The following GOLGA3 variants were observed in gnomAD, a reference collection of about 807,000 sequenced individuals.
The protein encoded by GOLGA3 is golgin A3.
GOLGA3 carries 75 observed loss-of-function variants against 169.4 expected under a neutral mutation model. That is an observed-to-expected ratio of 0.44 (90% CI 0.37 to 0.54). The LOEUF (loss-of-function observed/expected upper bound fraction) is 0.54, where lower values mean the gene tolerates loss of function less well. Ranked by LOEUF, GOLGA3 falls within the 20% of genes least tolerant of loss-of-function variation. The pLI is 0.00. For missense variants in GOLGA3, 1,899 were observed against 1,930.0 expected (o/e 0.98, Z 0.30); for synonymous variants, 824 against 822.4 (o/e 1.00, Z -0.03).
chr12:132,788,666 C>A (rs887492093), intron 13 of GOLGA3, among the ~76,000 whole-genome samples: 1 of 152,226 alleles, frequency 6.6e-6, no homozygotes, highest in Admixed American at 6.5e-5. Flanking sequence ...AAAACACTCA[C>A]CCTTGCTTTC....
At chr12:132,790,062 T>C (rs1175452053) in intron 12 of GOLGA3, among the ~76,000 whole-genome samples, 1 of 151,890 alleles carries the variant, frequency 6.6e-6, no homozygotes, top group Non-Finnish European at 1.5e-5. Flanking sequence ...CCGGGCGTGG[T>C]GGCTCATGCC....
Position 132,777,830 on chromosome 12 carries a change from C to A in GOLGA3, c.3583-25G>T, listed in dbSNP as rs201822285. 6.8e-6 allele frequency: 11 copies of A among 1,611,744 alleles called. No individual in the cohort carries two copies. Among genetic ancestry groups the A allele is most frequent in the South Asian group, 5.5e-5 (5 of 90,870 alleles). ...CCTAGGAGGAAGGAAGCCACGTTGT[C>A]CATGCCCTGCGTGACACCCACAGCT... On this transcript the variant is annotated intron_variant, in intron 18 of 23. Coordinates refer to ENST00000450791, the MANE Select transcript of GOLGA3 (RefSeq NM_001389683.1). This position sits in a 1 kb window ranked among gnomAD's most constrained non-coding sequence, Gnocchi z 4.7.
intron 23 of GOLGA3, among the ~76,000 whole-genome samples, chr12:132,773,797 C>T (rs2045048854): frequency 7.1e-6 from 1 of 140,034 alleles, no homozygotes; most frequent in Non-Finnish European, 1.5e-5. Flanking sequence ...TGTGTGAGTC[C>T]CCCTCCCCCT....
chr12:132,792,408 C>T (rs1948573107), intron 11 of GOLGA3, among the ~76,000 whole-genome samples: 1 of 152,242 alleles, frequency 6.6e-6, no homozygotes, highest in Non-Finnish European at 1.5e-5. Context: ...AGGGCTGTTA[C>T]AGTGACAGTT....
At chr12:132,780,748 GC>G in intron 18 of GOLGA3, 49 bp downstream of exon 18, 1 of 1,117,066 alleles carries the variant, frequency 9.0e-7, no homozygotes. Flanking sequence ...AGATTTCTAG[GC>G]ACTGGAGCGT....
rs1390928337 is a variant in GOLGA3 at position 132,775,291 on chromosome 12, C to G, written c.3993G>C (p.Glu1331Asp). Reference sequence around the variant, plus strand: ...ACAGGTCTTCCTGGGCCATCTCCAACTCAGACTTGACGTTCTGTGGAAAAT... The same window carrying G: ...ACAGGTCTTCCTGGGCCATCTCCAAGTCAGACTTGACGTTCTGTGGAAAAT... Reference protein sequence around the residue: ...LQQLLQNVKSELEMAQEDLSM... With the variant: ...LQQLLQNVKSDLEMAQEDLSM... Residue 1331 changes from glutamate (E) to aspartate (D), a missense_variant, in exon 22 of 24, where the codon GAG (glutamate) becomes GAC (aspartate). Physicochemically the swap from Glu to Asp is conservative, Grantham distance 45. Transcript: ENST00000450791. 1 of 1,608,382 alleles carries G rather than the reference C, an allele frequency of 6.2e-7. No homozygotes were observed.
At position 132,785,111 on chromosome 12, in the gene GOLGA3, C is replaced by A. The variant is rs560470220; in HGVS notation, c.3124-804G>T. Among the ~76,000 whole-genome samples, 8 of 152,318 alleles carry A rather than the reference C, an allele frequency of 5.3e-5. No individual in the cohort carries two copies. In the East Asian group the frequency reaches 1.5e-3, roughly 29 times the overall value. On this transcript the variant is annotated intron_variant, in intron 15 of 23. Coordinates refer to ENST00000450791, the MANE Select transcript of GOLGA3 (RefSeq NM_001389683.1). Reference sequence around the variant, plus strand: ...GAAATTTGCCAAAAGTCACCACTTGCGAGGGGTGAAGCCCGGACGGACACA... The same window carrying A: ...GAAATTTGCCAAAAGTCACCACTTGAGAGGGGTGAAGCCCGGACGGACACA...
At chr12:132,788,924 CCG>C in intron 13 of GOLGA3, 101 bp downstream of exon 13, 1 of 816,696 alleles carries the variant, frequency 1.2e-6, no homozygotes, top group Non-Finnish European at 1.8e-6. Context: ...CAGACAGACC[CCG>C]CCCCAGACAC....
At chr12:132,774,129 T>C (rs767590540) in intron 23 of GOLGA3, 28 bp downstream of exon 23, 22 of 1,541,106 alleles carry the variant, frequency 1.4e-5, no homozygotes, top group Non-Finnish European at 2.6e-6. Flanking sequence ...TAAGACTAGC[T>C]GAAGTGCAGC....
At chr12:132,821,711 G>A (rs1050911360) in intron 2 of GOLGA3, among the ~76,000 whole-genome samples, 13 of 151,114 alleles carry the variant, frequency 8.6e-5, no homozygotes, top group East Asian at 5.8e-4. Context: ...AAAATTAGCC[G>A]GGCGCGGTGG....
rs1313138901 is a variant in GOLGA3 at position 132,804,356 on chromosome 12, G to A, written c.1597+360C>T. Reference sequence around the variant, plus strand: ...TCTCCAAGACCTAATTCATTCCCCTGGATGTGCACACAAAAATGTACACAA... The same window carrying A: ...TCTCCAAGACCTAATTCATTCCCCTAGATGTGCACACAAAAATGTACACAA... On this transcript the variant is annotated intron_variant, in intron 7 of 23. Transcript: ENST00000450791. This position sits in a 1 kb window ranked among gnomAD's most constrained non-coding sequence, Gnocchi z 4.1. 6.6e-6 allele frequency among the ~76,000 whole-genome samples: 1 copy of A among 152,186 alleles called. No individual in the cohort carries two copies. The highest frequency in any genetic ancestry group is 1.5e-5 in the Non-Finnish European group (1 of 68,040).
In GOLGA3 at chr12:132,807,219, T is replaced by C; in HGVS notation, c.1248A>G (p.Arg416=). ...ACAAGGCTTCCAGCTGTCCTTCGAGTCGCATTTTCTCTTTGAGCACCTGCA... is the reference window on the plus strand; with the variant it reads ...ACAAGGCTTCCAGCTGTCCTTCGAGCCGCATTTTCTCTTTGAGCACCTGCA... The part of the protein sequence containing the change: ...EMLQVLKEKM[R]LEGQLEALSL... The change falls in exon 6 of 24, where the codon CGA becomes CGG. Residue 416 remains arginine, a synonymous_variant. Transcript: ENST00000450791. The C allele has an allele frequency of 6.2e-7, 1 of 1,605,790 alleles. No homozygotes were observed. Among genetic ancestry groups the C allele is most frequent in the Non-Finnish European group, 8.5e-7 (1 of 1,175,690 alleles).
intron 21 of GOLGA3, among the ~76,000 whole-genome samples, chr12:132,775,841 C>T (rs760515089): frequency 3.8e-4 from 58 of 152,240 alleles, no homozygotes; most frequent in Admixed American, 2.4e-3. Context: ...CAGTCAAGAC[C>T]GAACCCTGAG....
rs1162522182 is a variant in GOLGA3 at position 132,815,657 on chromosome 12, A to AGGC, written c.406+880_406+882dup. Among the ~76,000 whole-genome samples, 3 of 152,228 alleles carry AGGC rather than the reference A, an allele frequency of 2.0e-5. No individual in the cohort carries two copies. In the East Asian group the frequency reaches 5.8e-4, roughly 29 times the overall value. ...ACGCCTATAATCCCAGTATTTTGGG[A>AGGC]GGCCAAGGTATGACGATCACTTGAG... On this transcript the variant is annotated intron_variant, in intron 3 of 23. Coordinates refer to ENST00000450791, the MANE Select transcript of GOLGA3 (RefSeq NM_001389683.1).
chr12:132,784,817 C>T (rs1485581214), intron 15 of GOLGA3, among the ~76,000 whole-genome samples: 2 of 151,890 alleles, frequency 1.3e-5, no homozygotes, highest in Non-Finnish European at 2.9e-5. Flanking sequence ...TGCATGCACA[C>T]ATACACCCCA....
chr12:132,801,494 G>C (rs909386335), intron 8 of GOLGA3, among the ~76,000 whole-genome samples: 1 of 152,128 alleles, frequency 6.6e-6, no homozygotes, highest in Admixed American at 6.5e-5. Context: ...GGATTCACCG[G>C]CATGTGTCAC....
At chr12:132,807,076 C>T in intron 6 of GOLGA3, 101 bp downstream of exon 6, 1 of 658,668 alleles carries the variant, frequency 1.5e-6, no homozygotes. Context: ...GCTGCGGCGG[C>T]TGATTCCCAA....
chr12:132,779,453 CT>C (rs959767668), intron 18 of GOLGA3, among the ~76,000 whole-genome samples: 3 of 152,156 alleles, frequency 2.0e-5, no homozygotes, highest in African/African-American at 7.2e-5. Flanking sequence ...AATCAAGAAC[CT>C]TTTTCTTTTC....
chr12:132,803,294 G>A (rs1363553704), intron 7 of GOLGA3, among the ~76,000 whole-genome samples: 1 of 152,146 alleles, frequency 6.6e-6, no homozygotes, highest in African/African-American at 2.4e-5. Flanking sequence ...CATGAATACT[G>A]AGTTTGTGGT....
Sources: allele counts gnomAD v4.1 joint callset (sites outside exome capture counted in the v4.1 genomes callset), GRCh38; gene constraint gnomAD v4.1.1; non-coding constraint Gnocchi (gnomAD v3.1); transcripts MANE v1.5; gene names NCBI Gene and HGNC (gene_info 2026-07-23, HGNC 2026-07-21).